CORIN: variants seen among roughly 807,000 people sequenced by gnomAD.
CORIN encodes the protein corin, serine peptidase, also known as atrial natriuretic peptide-converting enzyme.
CORIN carries 117 observed loss-of-function variants against 125.3 expected under a neutral mutation model. The ratio of observed to expected loss-of-function variants is 0.93; its 90% CI spans 0.80 to 1.09. The LOEUF (loss-of-function observed/expected upper bound fraction) is 1.09. Ranked by LOEUF, CORIN falls within the 50% of genes least tolerant of loss-of-function variation. CORIN has a pLI of 0.00. For missense variants in CORIN, 1,253 were observed against 1,306.7 expected, an observed-to-expected ratio of 0.96 and a Z score of 0.63; for synonymous variants, 450 against 466.4, an observed-to-expected ratio of 0.96 and a Z score of 0.45.
chr4:47,775,609 T>C (rs9654082), intron 3 of CORIN, among the ~76,000 whole-genome samples: 33,709 of 152,064 alleles, frequency 0.22, 6,469 homozygotes, highest in African/African-American at 0.52. Flanking sequence ...TCTTAATGAC[T>C]GGCATGCTTT....
intron 5 of CORIN, among the ~76,000 whole-genome samples, chr4:47,698,636 A>G (rs954115466): frequency 3.3e-5 from 5 of 152,034 alleles, no homozygotes; most frequent in African/African-American, 9.7e-5. Context: ...TGCTCTGCCT[A>G]TTGTGTTGGA....
At chr4:47,712,440 G>A (rs1265570985) in intron 5 of CORIN, among the ~76,000 whole-genome samples, 1 of 152,096 alleles carries the variant, frequency 6.6e-6, no homozygotes, top group Non-Finnish European at 1.5e-5. Flanking sequence ...GCATCACCAT[G>A]CCTGGTTAAT....
intron 2 of CORIN, among the ~76,000 whole-genome samples, chr4:47,801,245 G>A (rs1474827352): frequency 6.6e-6 from 1 of 152,120 alleles, no homozygotes; most frequent in African/African-American, 2.4e-5. Flanking sequence ...TGTCCCATAA[G>A]TATCTCTAAT....
At chr4:47,618,357 A>G (rs1330788510) in intron 19 of CORIN, among the ~76,000 whole-genome samples, 10 of 150,244 alleles carry the variant, frequency 6.7e-5, no homozygotes, top group East Asian at 2.0e-4. Flanking sequence ...AAAGGAAAGG[A>G]AAGGGAAGGG....
chr4:47,835,015 C>G (rs1733313205), intron 1 of CORIN, among the ~76,000 whole-genome samples: 1 of 152,144 alleles, frequency 6.6e-6, no homozygotes, highest in Non-Finnish European at 1.5e-5. Flanking sequence ...CCTACTCTTC[C>G]CACCAAGGCA....
chr4:47,831,511 G>A (rs373928185), intron 1 of CORIN: 1 of 152,380 alleles, frequency 6.6e-6, no homozygotes, highest in African/African-American at 2.4e-5. Context: ...GTCCCAAGGT[G>A]AGTCATCCCA....
At position 47,642,064 on chromosome 4, in the gene CORIN, G is replaced by T; in HGVS notation, c.2069-15C>A. The stretch of plus-strand genomic sequence containing the variant: ...AGAGAGGGTCACTAGGGAAAGAAAA[G>T]ACAAGGGAAACCCTAATTAAAAACA... On this transcript the variant is annotated splice_polypyrimidine_tract_variant and intron_variant, in intron 15 of 21. Coordinates refer to ENST00000273857, the MANE Select transcript of CORIN (RefSeq NM_006587.4). 1 of 1,610,334 alleles carries T rather than the reference G, an allele frequency of 6.2e-7. No homozygotes were observed. The highest frequency in any genetic ancestry group is 8.5e-7 in the Non-Finnish European group (1 of 1,178,474).
At chr4:47,632,707 A>G (rs1282496869) in intron 16 of CORIN, among the ~76,000 whole-genome samples, 1 of 137,354 alleles carries the variant, frequency 7.3e-6, no homozygotes, top group Non-Finnish European at 1.6e-5. Context: ...TTTTATTGCA[A>G]TCCTAACTGA....
chr4:47,595,296 A>T lies in CORIN; in HGVS notation c.*425T>A, dbSNP rs1293427612. 4 of 153,170 alleles carry T rather than the reference A, an allele frequency of 2.6e-5. No individual in the cohort carries two copies. The highest frequency in any genetic ancestry group is 5.8e-5 in the Non-Finnish European group (4 of 68,686). 9.5% of individuals were successfully genotyped at this position (153,170 alleles called of 1,614,324 possible). On this transcript the variant is annotated 3_prime_UTR_variant, in exon 22 of 22. Transcript: ENST00000273857. ...TCCAATGTTAACACTGAAATTTACC[A>T]CTATGCACTGAGCTTGAGAAACAAA...
intron 10 of CORIN, among the ~76,000 whole-genome samples, chr4:47,673,253 A>G (rs112065857): frequency 1.8e-4 from 28 of 151,932 alleles, no homozygotes; most frequent in African/African-American, 6.5e-4. Context: ...GTGTGTGCCT[A>G]TAATCCCAGC....
intron 21 of CORIN, among the ~76,000 whole-genome samples, chr4:47,598,950 C>T (rs1398021452): frequency 6.6e-6 from 1 of 152,158 alleles, no homozygotes; most frequent in Non-Finnish European, 1.5e-5. Context: ...AATACATTCA[C>T]TTAGTTAATC....
intron 19 of CORIN, 63 bp from the exon 20 acceptor site, chr4:47,603,731 T>G: frequency 6.5e-7 from 1 of 1,540,124 alleles, no homozygotes; most frequent in Middle Eastern, 1.7e-4. Flanking sequence ...GAAATTCACA[T>G]GTAATTTTAA....
At chr4:47,777,988 T>G (rs1352177946) in intron 3 of CORIN, among the ~76,000 whole-genome samples, 2 of 152,196 alleles carry the variant, frequency 1.3e-5, no homozygotes, top group African/African-American at 4.8e-5. Context: ...GTAAATTACA[T>G]AGTTTGGGTT....
At chr4:47,693,118 A>C in intron 5 of CORIN, 35 bp from the exon 6 acceptor site, 4 of 1,359,722 alleles carry the variant, frequency 2.9e-6, no homozygotes, top group Non-Finnish European at 4.2e-6. Context: ...TGTCAGAATA[A>C]GATGGGTTTT....
chr4:47,736,306 C>T (rs2109824195), intron 5 of CORIN, among the ~76,000 whole-genome samples: 1 of 152,284 alleles, frequency 6.6e-6, no homozygotes, highest in Non-Finnish European at 1.5e-5. Context: ...AACAAACTTC[C>T]ATTTCTGGCC....
At position 47,665,034 on chromosome 4, in the gene CORIN, G is replaced by T. The variant is rs530115200; in HGVS notation, c.1587C>A (p.Cys529Ter). The change falls in exon 11 of 22, where the codon TGC becomes TGA. Residue 529 changes from cysteine to a stop codon, truncating the protein, a stop_gained and splice_region_variant. Transcript: ENST00000273857. LOFTEE classifies it high-confidence loss of function. ...DVNTGEHIPP[C>*]RALCEHSKER... ...TGGGGTAGATCCCATCATATTACCT[G>T]CAAGGAGGGATATGCTCGCCTGTAT... 1.3e-6 allele frequency: 2 copies of T among 1,596,346 alleles called. No individual in the cohort carries two copies. Among genetic ancestry groups the T allele is most frequent in the Non-Finnish European group, 1.7e-6 (2 of 1,164,216 alleles).
intron 1 of CORIN, among the ~76,000 whole-genome samples, chr4:47,825,089 A>T (rs1732684704): frequency 6.6e-6 from 1 of 152,354 alleles, no homozygotes; most frequent in African/African-American, 2.4e-5. Flanking sequence ...AGACTTGAGA[A>T]GCTCAGAATT....
At chr4:47,801,754 G>T (rs1731553102) in intron 2 of CORIN, among the ~76,000 whole-genome samples, 1 of 152,218 alleles carries the variant, frequency 6.6e-6, no homozygotes, top group African/African-American at 2.4e-5. Flanking sequence ...GAGAGCTTGA[G>T]TTCCAGCGAG....
chr4:47,732,565 CTT>C (rs35277149), intron 5 of CORIN, among the ~76,000 whole-genome samples: 19 of 138,124 alleles, frequency 1.4e-4, no homozygotes, highest in Admixed American at 2.9e-4. Context: ...GTAATCTACT[CTT>C]TTTTTTTTTT....
Sources: allele counts gnomAD v4.1 joint callset (sites outside exome capture counted in the v4.1 genomes callset), GRCh38; gene constraint gnomAD v4.1.1; transcripts MANE v1.5; gene names NCBI Gene and HGNC (gene_info 2026-07-23, HGNC 2026-07-21).